The following MYRF variants were observed in gnomAD, a reference collection of about 807,000 sequenced individuals.
MYRF encodes the protein myelin gene regulatory factor.
MYRF carries 16 observed loss-of-function variants against 126.3 expected under a neutral mutation model. The ratio of observed to expected loss-of-function variants is 0.13; its 90% CI spans 0.09 to 0.19. MYRF has a LOEUF of 0.19. MYRF is among the 10% of genes least tolerant of loss of function. The pLI, the probability that MYRF is intolerant of heterozygous loss-of-function variation, is 1.00. For missense variants in MYRF, 1,104 were observed against 1,547.0 expected, an observed-to-expected ratio of 0.71 and a Z score of 4.80; for synonymous variants, 608 against 635.3, an observed-to-expected ratio of 0.96 and a Z score of 0.65.
At chr11:61,754,694 G>A (rs1002355991) in intron 1 of MYRF, among the ~76,000 whole-genome samples, 1 of 152,178 alleles carries the variant, frequency 6.6e-6, no homozygotes, top group Non-Finnish European at 1.5e-5. Flanking sequence ...GCGGCCTGGC[G>A]GGGGGAGGCT....
chr11:61,762,158 T>G (rs964432977), intron 1 of MYRF, among the ~76,000 whole-genome samples: 2 of 150,664 alleles, frequency 1.3e-5, no homozygotes, highest in Admixed American at 6.6e-5. Flanking sequence ...GGCCTTGATG[T>G]GGGATGGAGG....
Position 61,780,298 on chromosome 11 carries a change from C to A in MYRF, c.2405+8C>A. The A allele has an allele frequency of 6.2e-7, 1 of 1,609,446 alleles. No individual in the cohort carries two copies. The highest frequency in any genetic ancestry group is 1.1e-5 in the South Asian group (1 of 90,378). On this transcript the variant is annotated splice_region_variant and intron_variant, in intron 18 of 26. Coordinates refer to ENST00000278836, the MANE Select transcript of MYRF (RefSeq NM_001127392.3). The stretch of plus-strand genomic sequence containing the variant: ...CCTGGTAGACACTGATGGGTAGGTT[C>A]CTGGAGGCCAAGCCAAGCTGCCAGG...
chr11:61,772,087 A>G, intron 7 of MYRF, 135 bp downstream of exon 7: 1 of 1,321,708 alleles, frequency 7.6e-7, no homozygotes, highest in Admixed American at 2.5e-5. Flanking sequence ...CTCAGGGAAG[A>G]GCCAGGACTG....
At chr11:61,769,637 C>T (rs1220587320) in intron 4 of MYRF, among the ~76,000 whole-genome samples, 3 of 152,102 alleles carry the variant, frequency 2.0e-5, no homozygotes, top group Admixed American at 1.3e-4. Context: ...CTTCCCAGGC[C>T]GGGCCCACCT....
intron 1 of MYRF, among the ~76,000 whole-genome samples, chr11:61,758,275 CCT>C (rs1162976922): frequency 1.3e-5 from 2 of 152,212 alleles, no homozygotes; most frequent in East Asian, 3.9e-4. Flanking sequence ...ACAACCACAG[CCT>C]CTGTCTCTCC....
Position 61,771,969 on chromosome 11 carries a change from A to ACTCC in MYRF, c.1115+19_1115+22dup, listed in dbSNP as rs2066235343. 5 of 1,609,364 alleles carry ACTCC rather than the reference A, an allele frequency of 3.1e-6. No homozygotes were observed. The highest frequency in any genetic ancestry group is 1.7e-5 in the Admixed American group (1 of 59,716). On this transcript the variant is annotated intron_variant, in intron 7 of 26. Coordinates refer to ENST00000278836, the MANE Select transcript of MYRF (RefSeq NM_001127392.3). ...CAAGGAGCTGTGAGTGCCCTACAAC[A>ACTCC]CTCCCCACTCCTCCAGGCCCCCCCA... is the stretch of plus-strand genomic sequence containing the variant.
chr11:61,761,268 G>GA (rs1555053597), intron 1 of MYRF, among the ~76,000 whole-genome samples: 4 of 151,476 alleles, frequency 2.6e-5, no homozygotes, highest in Non-Finnish European at 5.9e-5. Flanking sequence ...GTGGGGGGGG[G>GA]GGCACATAAG....
At chr11:61,780,402 C>T in intron 18 of MYRF, 112 bp downstream of exon 18, 2 of 969,326 alleles carry the variant, frequency 2.1e-6, no homozygotes, top group Non-Finnish European at 3.1e-6. Flanking sequence ...TCCTTAGCCT[C>T]TTAGCCTGCT....
chr11:61,765,700 A>C lies in MYRF; in HGVS notation c.122A>C (p.Asp41Ala). ...SILEEYISKEDASDLCFPDIS... is the reference protein window; with the variant it reads ...SILEEYISKEAASDLCFPDIS... ...CTGGAGGAGTACATCAGCAAGGAGG[A>C]TGCCTCCGACCTGTGAGTGGCCCCC... The change falls in exon 2 of 27, where the codon GAT becomes GCT. Residue 41 changes from aspartate to alanine, a missense_variant. By Grantham distance (126) the Asp-to-Ala change is moderately radical (BLOSUM62 -2). Around this residue, in one of 10 missense-constraint regions of MYRF, gnomAD observed 368 missense variants for 403.9 expected, o/e 0.91. Coordinates refer to ENST00000278836, the MANE Select transcript of MYRF (RefSeq NM_001127392.3). 6.2e-7 allele frequency: 1 copy of C among 1,612,308 alleles called. No homozygotes were observed. The highest frequency in any genetic ancestry group is 1.1e-5 in the South Asian group (1 of 90,946).
intron 25 of MYRF, 108 bp from the exon 26 acceptor site, chr11:61,785,691 TC>T: frequency 1.2e-6 from 1 of 841,142 alleles, no homozygotes; most frequent in Non-Finnish European, 2.0e-6. Flanking sequence ...TCTGCTTTTT[TC>T]CTTCATAAAA....
At position 61,786,712 on chromosome 11, in the gene MYRF, C is replaced by T. The variant is rs2066703297; in HGVS notation, c.*569C>T. 6.5e-6 allele frequency: 1 copy of T among 153,958 alleles called. No individual in the cohort carries two copies. The highest frequency in any genetic ancestry group is 6.4e-5 in the Admixed American group (1 of 15,526). 9.5% of individuals were successfully genotyped at this position (153,958 alleles called of 1,614,324 possible). On this transcript the variant is annotated 3_prime_UTR_variant, in exon 27 of 27. Transcript: ENST00000278836. This position sits in a 1 kb window ranked among gnomAD's most constrained non-coding sequence, Gnocchi z 4.5. Reference sequence around the variant, plus strand: ...TGGGGTTTGCCTGTTACGCCAGACTCGGACTTCTAAGCTTTAAGTGTGGCC... The same window carrying T: ...TGGGGTTTGCCTGTTACGCCAGACTTGGACTTCTAAGCTTTAAGTGTGGCC...
chr11:61,786,410 A>C lies in MYRF; in HGVS notation c.*267A>C. The C allele has an allele frequency of 2.0e-6, 1 of 507,610 alleles. No individual in the cohort carries two copies. The highest frequency in any genetic ancestry group is 3.6e-6 in the Non-Finnish European group (1 of 279,800). 31.4% of individuals were successfully genotyped at this position (507,610 alleles called of 1,614,324 possible). On this transcript the variant is annotated 3_prime_UTR_variant, in exon 27 of 27. Coordinates refer to ENST00000278836, the MANE Select transcript of MYRF (RefSeq NM_001127392.3). This position sits in a 1 kb window ranked among gnomAD's most constrained non-coding sequence, Gnocchi z 4.5. ...CTAGGGGCCAGGACAGGACCAGTTT[A>C]CCTCTTTCCAGATATGGTGGTTGGA...
Position 61,777,141 on chromosome 11 carries a change from C to A in MYRF, c.1591-123C>A. The A allele has an allele frequency of 9.4e-7, 1 of 1,058,892 alleles. No individual in the cohort carries two copies. The highest frequency in any genetic ancestry group is 1.4e-6 in the Non-Finnish European group (1 of 735,474). The allele number at this position is 1,058,892 out of a possible 1,614,324, so 65.6% of individuals were successfully genotyped here. The stretch of plus-strand genomic sequence containing the variant: ...AGTGGGAGGGACAGTTCAAGTTGGG[C>A]TTGGTGCAGTGAGAAACCCTGGCTG... On this transcript the variant is annotated intron_variant, in intron 11 of 26. Coordinates refer to ENST00000278836, the MANE Select transcript of MYRF (RefSeq NM_001127392.3). This position sits in a 1 kb window ranked among gnomAD's most constrained non-coding sequence, Gnocchi z 8.8.
chr11:61,764,641 G>A (rs889419650), intron 1 of MYRF, among the ~76,000 whole-genome samples: 22 of 152,160 alleles, frequency 1.4e-4, no homozygotes, highest in African/African-American at 3.4e-4. Context: ...CTCCATTATC[G>A]GGGTTGACGC....
chr11:61,781,996 C>T, intron 22 of MYRF, 172 bp downstream of exon 22: 6 of 680,832 alleles, frequency 8.8e-6, no homozygotes, highest in Non-Finnish European at 1.4e-5. Context: ...ATAGATCATC[C>T]CATTTAGTCC....
At chr11:61,771,469 G>GC (rs1174758990) in intron 5 of MYRF, 31 bp from the exon 6 acceptor site, 1 of 1,595,044 alleles carries the variant, frequency 6.3e-7, no homozygotes, top group Non-Finnish European at 8.6e-7. Context: ...GGGAGAGCCA[G>GC]CCCCCACGGC....
At chr11:61,771,422 G>A in intron 5 of MYRF, 78 bp from the exon 6 acceptor site, 1 of 1,540,002 alleles carries the variant, frequency 6.5e-7, no homozygotes, top group Non-Finnish European at 8.8e-7. Context: ...GGCTAGAGAG[G>A]GGAGAGAGGT....
chr11:61,771,768 T>A lies in MYRF; in HGVS notation c.991+18T>A. On this transcript the variant is annotated intron_variant, in intron 6 of 26. Coordinates refer to ENST00000278836, the MANE Select transcript of MYRF (RefSeq NM_001127392.3). ...CTCCCCAGGTACATGGCTGGCCAAC[T>A]CTTCAAGGTGGGGTGTGGGACCCAA... 1 of 1,612,358 alleles carries A rather than the reference T, an allele frequency of 6.2e-7. No homozygotes were observed. Among genetic ancestry groups the A allele is most frequent in the Non-Finnish European group, 8.5e-7 (1 of 1,178,836 alleles).
chr11:61,765,028 C>A (rs1274895409), intron 1 of MYRF, among the ~76,000 whole-genome samples: 93 of 152,228 alleles, frequency 6.1e-4, no homozygotes, highest in Non-Finnish European at 1.2e-4. Flanking sequence ...CTCCCGCCTG[C>A]GGCCAGGGCC....
Sources: gnomAD v4.1 joint callset for allele counts (sites outside exome capture counted in the v4.1 genomes callset) on GRCh38, gnomAD v4.1.1 for gene constraint, gnomAD v4.1.1 regional missense constraint, Gnocchi (gnomAD v3.1) non-coding constraint, MANE v1.5 for transcripts, NCBI Gene and HGNC (gene_info 2026-07-23, HGNC 2026-07-21) for gene names.